NTM: variants seen among roughly 807,000 people sequenced by gnomAD.
NTM encodes neurotrimin.
Under a neutral mutation model 42.1 loss-of-function variants are expected in NTM, and 13 were observed. That is an observed-to-expected ratio of 0.31 (90% CI 0.20 to 0.49). NTM has a LOEUF of 0.49. NTM is among the 20% of genes least tolerant of loss of function. NTM has a pLI of 0.99. For missense variants in NTM, 373 were observed against 452.8 expected (o/e 0.82, Z 1.60); for synonymous variants, 187 against 179.2 (o/e 1.04, Z -0.35).
chr11:131,966,123 A>T (rs2062806031), intron 2 of NTM, among the ~76,000 whole-genome samples: 1 of 152,230 alleles, frequency 6.6e-6, no homozygotes, highest in Non-Finnish European at 1.5e-5. Flanking sequence ...CATTTGTGTG[A>T]TAAAAAAATG....
At chr11:131,373,985 C>G (rs542939858) in intron 1 of NTM, among the ~76,000 whole-genome samples, 8 of 152,322 alleles carry the variant, frequency 5.3e-5, no homozygotes, top group Admixed American at 1.3e-4. Flanking sequence ...CTGCCATGCA[C>G]AGTACACACG....
At chr11:131,646,524 C>T (rs1472463980) in intron 1 of NTM, among the ~76,000 whole-genome samples, 1 of 152,160 alleles carries the variant, frequency 6.6e-6, no homozygotes, top group African/African-American at 2.4e-5. Context: ...ATATTCAGTG[C>T]CATGGTCTAT....
intron 2 of NTM, among the ~76,000 whole-genome samples, chr11:131,930,050 G>A (rs2058427004): frequency 6.6e-6 from 1 of 151,898 alleles, no homozygotes; most frequent in Non-Finnish European, 1.5e-5. Context: ...TCGGTGTTGG[G>A]GGTTGTTTAA....
At chr11:131,956,415 T>A (rs1295448630) in intron 2 of NTM, among the ~76,000 whole-genome samples, 4 of 152,174 alleles carry the variant, frequency 2.6e-5, no homozygotes, top group Non-Finnish European at 5.9e-5. Context: ...ATTGATTTAT[T>A]CTCAGTAGAG....
At chr11:131,743,572 A>G (rs1268499432) in intron 1 of NTM, among the ~76,000 whole-genome samples, 2 of 152,188 alleles carry the variant, frequency 1.3e-5, no homozygotes, top group Non-Finnish European at 2.9e-5. Flanking sequence ...TAATTGCCAT[A>G]TGTGGAGTTC....
chr11:131,525,421 G>C (rs1461099319), intron 1 of NTM, among the ~76,000 whole-genome samples: 1 of 152,230 alleles, frequency 6.6e-6, no homozygotes, highest in Non-Finnish European at 1.5e-5. Context: ...GAAGTGGTTT[G>C]CTGAATGATG....
chr11:132,006,955 G>A (rs2135376306), intron 2 of NTM, among the ~76,000 whole-genome samples: 1 of 152,320 alleles, frequency 6.6e-6, no homozygotes, highest in South Asian at 2.1e-4. Context: ...AATGACGTGT[G>A]TCACCCTGTG....
intron 1 of NTM, among the ~76,000 whole-genome samples, chr11:131,485,534 G>A (rs1274222534): frequency 6.6e-6 from 1 of 152,214 alleles, no homozygotes; most frequent in Non-Finnish European, 1.5e-5. Flanking sequence ...AAAAAGCTAA[G>A]CCTTGGTCTT....
intron 1 of NTM, among the ~76,000 whole-genome samples, chr11:131,506,161 G>A (rs1368436190): frequency 6.6e-6 from 1 of 152,094 alleles, no homozygotes; most frequent in Non-Finnish European, 1.5e-5. Flanking sequence ...GACAAATCAG[G>A]GAGGCCTGTG....
chr11:132,320,628 T>C (rs1258919978), intron 7 of NTM, among the ~76,000 whole-genome samples: 1 of 152,104 alleles, frequency 6.6e-6, no homozygotes, highest in Non-Finnish European at 1.5e-5. Flanking sequence ...CAGGCTTGCT[T>C]AGGTAAACAA....
intron 1 of NTM, among the ~76,000 whole-genome samples, chr11:131,475,442 G>A (rs1047699067): frequency 6.6e-6 from 1 of 152,114 alleles, no homozygotes; most frequent in South Asian, 2.1e-4. Context: ...TACAGAGGGT[G>A]TACCTGTCCC....
At chr11:131,400,802 G>C (rs962382649) in intron 1 of NTM, among the ~76,000 whole-genome samples, 5 of 152,130 alleles carry the variant, frequency 3.3e-5, no homozygotes, top group African/African-American at 1.2e-4. Context: ...TTGAAATGAG[G>C]AATGTTTTAG....
Position 131,685,269 on chromosome 11 carries a change from A to G in NTM, c.83-226295A>G, listed in dbSNP as rs1401391142. Among the ~76,000 whole-genome samples, 5 of 147,604 alleles carry G rather than the reference A, an allele frequency of 3.4e-5. No homozygotes were observed. In the East Asian group the frequency reaches 9.7e-4, roughly 29 times the overall value. On this transcript the variant is annotated intron_variant, in intron 1 of 8. Transcript: ENST00000683400. The stretch of plus-strand genomic sequence containing the variant: ...TCAGTCCTTCCTGATGCACTCCTCA[A>G]GCCAGATGAGGCTCCCCAGCCAGCA...
At chr11:131,891,384 T>A (rs2051311895) in intron 1 of NTM, among the ~76,000 whole-genome samples, 1 of 152,092 alleles carries the variant, frequency 6.6e-6, no homozygotes, top group Non-Finnish European at 1.5e-5. Context: ...TAAGACAGGG[T>A]TGACCACAAG....
At chr11:131,769,596 C>T (rs1482004130) in intron 1 of NTM, 2 of 983,050 alleles carry the variant, frequency 2.0e-6, no homozygotes, top group Admixed American at 6.2e-5. Context: ...TTGGATAATG[C>T]TGTCCTGCAT....
chr11:132,268,611 C>T (rs1279283171), intron 4 of NTM, among the ~76,000 whole-genome samples: 2 of 148,474 alleles, frequency 1.3e-5, no homozygotes, highest in Non-Finnish European at 3.0e-5. Context: ...GTGTGGTCTC[C>T]TCTGTGTGTG....
intron 4 of NTM, among the ~76,000 whole-genome samples, chr11:132,298,993 ATTAAT>A (rs1438034095): frequency 7.9e-5 from 12 of 152,208 alleles, no homozygotes; most frequent in African/African-American, 2.4e-4. Context: ...TGGTTAATAA[ATTAAT>A]TTAAGAACTA....
rs1314514357 is a variant in NTM, at chr11:131,874,015, TATATA to T, written c.83-37533_83-37529del. ...ATATTATATTTACATATAATATATT[TATATA>T]ATATAATATAATATATATATATATA... On this transcript the variant is annotated intron_variant, in intron 1 of 8. Transcript: ENST00000683400. 1.3e-4 allele frequency among the ~76,000 whole-genome samples: 9 copies of T among 67,510 alleles called. 1 individual carries two copies. Among genetic ancestry groups the T allele is most frequent in the South Asian group, 7.9e-4 (2 of 2,530 alleles). 44.3% of individuals were successfully genotyped at this position (67,510 alleles called of 152,430 possible).
intron 1 of NTM, among the ~76,000 whole-genome samples, chr11:131,390,234 G>C (rs73022111): frequency 2.6e-5 from 4 of 152,130 alleles, no homozygotes; most frequent in East Asian, 3.9e-4. Context: ...GAGGTGCCAC[G>C]GTCTTTTAAA....
Sources: allele counts gnomAD v4.1 joint callset (sites outside exome capture counted in the v4.1 genomes callset), GRCh38; gene constraint gnomAD v4.1.1; transcripts MANE v1.5; gene names NCBI Gene and HGNC (gene_info 2026-07-23, HGNC 2026-07-21).